C13orf42: variants seen among roughly 807,000 people sequenced by gnomAD.
C13orf42 encodes chromosome 13 open reading frame 42.
chr13:51,121,170 G>A (rs907207202), intron 1 of C13orf42, among the ~76,000 whole-genome samples: 19 of 152,152 alleles, frequency 1.2e-4, no homozygotes, highest in Admixed American at 3.9e-4. Context: ...TCAGAAGGGC[G>A]CGCAGCTGTC....
intron 1 of C13orf42, among the ~76,000 whole-genome samples, chr13:51,098,453 T>C (rs1314352711): frequency 6.6e-6 from 1 of 152,034 alleles, no homozygotes; most frequent in Admixed American, 6.6e-5. Context: ...CTTTCACCAA[T>C]TGCCGCAGAC....
At chr13:51,120,753 C>A (rs1273577771) in intron 1 of C13orf42, among the ~76,000 whole-genome samples, 2 of 152,170 alleles carry the variant, frequency 1.3e-5, no homozygotes, top group South Asian at 4.1e-4. Flanking sequence ...GTGGCTCACA[C>A]CTGTAATCCC....
chr13:51,089,377 C>A (rs1407493629), intron 1 of C13orf42, among the ~76,000 whole-genome samples: 1 of 152,108 alleles, frequency 6.6e-6, no homozygotes, highest in African/African-American at 2.4e-5. Flanking sequence ...ACCCAAATCT[C>A]ATTCTGAATT....
At chr13:51,149,328 A>C (rs1473313216) in intron 1 of C13orf42, among the ~76,000 whole-genome samples, 1 of 151,994 alleles carries the variant, frequency 6.6e-6, no homozygotes, top group African/African-American at 2.4e-5. Context: ...AAAAAAAAAA[A>C]AACCCTAAAA....
At chr13:51,113,142 A>G (rs528523984), upstream of C13orf42, 3 of 152,350 alleles carry the variant, frequency 2.0e-5, no homozygotes, top group South Asian at 6.2e-4. Flanking sequence ...TAACCTCTTG[A>G]TCACAAAGGG....
chr13:51,135,352 C>T (rs1190352206), intron 1 of C13orf42, among the ~76,000 whole-genome samples: 1 of 152,192 alleles, frequency 6.6e-6, no homozygotes, highest in South Asian at 2.1e-4. Context: ...TAATTCCTCA[C>T]CCCCTTGGCA....
chr13:51,153,619 CTGTTT>C lies in C13orf42; in HGVS notation n.136+18629_136+18633del, dbSNP rs1416022639. 6.3e-5 allele frequency among the ~76,000 whole-genome samples: 6 copies of C among 94,878 alleles called. No individual in the cohort carries two copies. In the East Asian group the frequency reaches 2.0e-3, roughly 31 times the overall value. 62.2% of individuals were successfully genotyped at this position (94,878 alleles called of 152,430 possible). Reference sequence around the variant, plus strand: ...TGTTATCAACCCATTTTCTTGCTTTCTGTTTTTTTTCTTTTTTTTTTTTTTTTTTT... The same window carrying C: ...TGTTATCAACCCATTTTCTTGCTTTCTTTTTCTTTTTTTTTTTTTTTTTTT... On this transcript the variant is annotated intron_variant and non_coding_transcript_variant, in intron 1 of 4. Transcript: ENST00000433280.
chr13:51,161,790 C>T, intron 1 of C13orf42: 2 of 317,916 alleles, frequency 6.3e-6, no homozygotes, highest in South Asian at 6.9e-5. Context: ...GATTTCAGAA[C>T]CATAACCAGG....
intron 1 of C13orf42, among the ~76,000 whole-genome samples, chr13:51,169,828 C>G (rs1189093731): frequency 6.6e-6 from 1 of 152,234 alleles, no homozygotes; most frequent in Non-Finnish European, 1.5e-5. Context: ...GTGTGGAAAT[C>G]CTTGAATGTC....
Position 51,144,362 on chromosome 13 carries a change from C to A in C13orf42, n.136+27891G>T, listed in dbSNP as rs541260130. Among the ~76,000 whole-genome samples the A allele has an allele frequency of 3.2e-5, 4 of 125,920 alleles. No homozygotes were observed. In the East Asian group the frequency reaches 8.7e-4, roughly 28 times the overall value. 82.6% of individuals were successfully genotyped at this position (125,920 alleles called of 152,430 possible). On this transcript the variant is annotated intron_variant and non_coding_transcript_variant, in intron 1 of 4. Coordinates refer to the C13orf42 transcript ENST00000433280. ...TTAAAACTTTCTTTTGAGCTATTGA[C>A]AGCTTTTAACAATTTAGTGTACTCT...
At chr13:51,097,024 C>T (rs1953241196) in intron 1 of C13orf42, among the ~76,000 whole-genome samples, 1 of 152,130 alleles carries the variant, frequency 6.6e-6, no homozygotes, top group African/African-American at 2.4e-5. Flanking sequence ...CAAAAAGGAG[C>T]ATACCATGTA....
chr13:51,171,013 C>T (rs1418787971), intron 1 of C13orf42, among the ~76,000 whole-genome samples: 4 of 151,978 alleles, frequency 2.6e-5, no homozygotes, highest in Non-Finnish European at 2.9e-5. Context: ...TATCTCTGTG[C>T]CCCCATCCCT....
At chr13:51,108,032 G>A (rs541732677) in intron 1 of C13orf42, among the ~76,000 whole-genome samples, 1 of 152,314 alleles carries the variant, frequency 6.6e-6, no homozygotes, top group South Asian at 2.1e-4. Context: ...TGCTCCCTCT[G>A]AAGGTGCTGG....
upstream of C13orf42, among the ~76,000 whole-genome samples, chr13:51,116,231 T>C (rs1381174061): frequency 3.3e-5 from 5 of 152,108 alleles, no homozygotes; most frequent in Non-Finnish European, 5.9e-5. Context: ...TTGCTGCCCA[T>C]CAGGCAGAAG....
At chr13:51,131,949 C>T (rs981761365) in intron 1 of C13orf42, among the ~76,000 whole-genome samples, 4 of 152,130 alleles carry the variant, frequency 2.6e-5, no homozygotes, top group African/African-American at 9.7e-5. Context: ...TTAGAAGAAA[C>T]AAGAGGGATG....
At chr13:51,099,637 T>C (rs1413892968) in intron 1 of C13orf42, among the ~76,000 whole-genome samples, 1 of 152,188 alleles carries the variant, frequency 6.6e-6, no homozygotes, top group African/African-American at 2.4e-5. Context: ...TTATAATGTT[T>C]GTTTTTGTTT....
chr13:51,144,216 A>G (rs930034768), intron 1 of C13orf42, among the ~76,000 whole-genome samples: 2 of 152,156 alleles, frequency 1.3e-5, no homozygotes, highest in Non-Finnish European at 2.9e-5. Flanking sequence ...TTCAGGACTC[A>G]TGGAGAGCTA....
At chr13:51,171,884 G>C (rs373825487) in intron 1 of C13orf42, 1 of 151,830 alleles carries the variant, frequency 6.6e-6, no homozygotes, top group Non-Finnish European at 1.5e-5. Context: ...GCCGTCTTAT[G>C]CTCAATATAC....
chr13:51,119,152 G>A (rs1352923767), intron 1 of C13orf42, among the ~76,000 whole-genome samples: 2 of 152,066 alleles, frequency 1.3e-5, no homozygotes, highest in Non-Finnish European at 2.9e-5. Flanking sequence ...GTATGCCTGG[G>A]TGTACAGTAT....
Sources: gnomAD v4.1 joint callset for allele counts (sites outside exome capture counted in the v4.1 genomes callset) on GRCh38, gnomAD v4.1.1 for gene constraint, MANE v1.5 for transcripts, NCBI Gene and HGNC (gene_info 2026-07-23, HGNC 2026-07-21) for gene names.